The following KDM4C variants were observed in gnomAD, a reference collection of about 807,000 sequenced individuals.
KDM4C encodes the protein lysine demethylase 4C.
Under a neutral mutation model 129.3 loss-of-function variants are expected in KDM4C, and 81 were observed. The observed-to-expected ratio is 0.63, with a 90% CI of 0.52 to 0.75. KDM4C has a LOEUF of 0.75. Among genes scored for constraint, KDM4C ranks in the 30% least tolerant of loss-of-function variants. The pLI, the probability that KDM4C is intolerant of heterozygous loss-of-function variation, is 0.00. For missense variants in KDM4C, 1,457 were observed against 1,304.0 expected (o/e 1.12, Z -1.81); for synonymous variants, 573 against 456.1 (o/e 1.26, Z -3.26).
chr9:6,919,558 T>C (rs546616528), intron 8 of KDM4C, among the ~76,000 whole-genome samples: 1 of 148,136 alleles, frequency 6.8e-6, no homozygotes, highest in East Asian at 2.0e-4. Context: ...TATCTATCTA[T>C]CTATCTATCT....
At chr9:6,838,156 A>G (rs1203132680) in intron 4 of KDM4C, among the ~76,000 whole-genome samples, 3 of 152,152 alleles carry the variant, frequency 2.0e-5, no homozygotes, top group Non-Finnish European at 2.9e-5. Context: ...GACATTCCAA[A>G]TATTTTATTT....
chr9:6,761,158 C>T lies in KDM4C; in HGVS notation c.-18+2955C>T, dbSNP rs553951921. On this transcript the variant is annotated intron_variant, in intron 1 of 21. Coordinates refer to ENST00000381309, the MANE Select transcript of KDM4C (RefSeq NM_015061.6). ...CCCAGTAGCTGGGATTACAGGCACCCACCATCATGCTTGGCTAATTTTTGT... is the reference window on the plus strand; with the variant it reads ...CCCAGTAGCTGGGATTACAGGCACCTACCATCATGCTTGGCTAATTTTTGT... Among the ~76,000 whole-genome samples the T allele has an allele frequency of 3.9e-5, 6 of 152,006 alleles. No homozygotes were observed. The South Asian group carries it at 8.3e-4, about 21-fold the overall frequency.
At chr9:7,171,289 AAAATTAAATATTCCTGTTGT>A (rs1844934135) in intron 21 of KDM4C, among the ~76,000 whole-genome samples, 2 of 152,198 alleles carry the variant, frequency 1.3e-5, no homozygotes. Flanking sequence ...AAGCAAAGAA[AAAATTAAATATTCCTGTTGT>A]AAAGATACCA....
chr9:6,835,152 C>T (rs1290966653), intron 4 of KDM4C: 10 of 968,070 alleles, frequency 1.0e-5, no homozygotes, highest in Non-Finnish European at 1.7e-5. Flanking sequence ...CTTCCAGCTC[C>T]TCCCTGGAGA....
At chr9:6,939,131 G>A (rs1161289835) in intron 8 of KDM4C, among the ~76,000 whole-genome samples, 1 of 151,632 alleles carries the variant, frequency 6.6e-6, no homozygotes, top group Non-Finnish European at 1.5e-5. Context: ...TAGGAACTGG[G>A]CTGCACCATA....
intron 4 of KDM4C, among the ~76,000 whole-genome samples, chr9:6,815,465 T>C (rs1410966337): frequency 6.6e-6 from 1 of 152,152 alleles, no homozygotes; most frequent in Non-Finnish European, 1.5e-5. Flanking sequence ...TCTAACTGCC[T>C]CGGCCTCCTA....
intron 12 of KDM4C, among the ~76,000 whole-genome samples, chr9:6,999,040 C>T: frequency 6.6e-6 from 1 of 152,146 alleles, no homozygotes; most frequent in East Asian, 1.9e-4. Context: ...CAAGCTGGCT[C>T]TCAGACACTT....
intron 1 of KDM4C, among the ~76,000 whole-genome samples, chr9:6,742,823 A>G (rs1817746750): frequency 6.6e-6 from 1 of 151,880 alleles, no homozygotes; most frequent in African/African-American, 2.4e-5. Context: ...AGTTTGACGC[A>G]GAAAATGGGG....
intron 1 of KDM4C, chr9:6,748,594 A>T: frequency 1.6e-6 from 1 of 621,996 alleles, no homozygotes; most frequent in Non-Finnish European, 2.9e-6. Flanking sequence ...GCCATCTTGT[A>T]AAAACATAAG....
intron 4 of KDM4C, among the ~76,000 whole-genome samples, chr9:6,825,219 T>C (rs924956008): frequency 1.3e-5 from 2 of 151,360 alleles, no homozygotes; most frequent in Non-Finnish European, 2.9e-5. Flanking sequence ...TATAAAGTCA[T>C]ATGTCCTATA....
chr9:7,040,413 ATGTGTCTG>A (rs1464263763), intron 15 of KDM4C, among the ~76,000 whole-genome samples: 1 of 114,550 alleles, frequency 8.7e-6, no homozygotes, highest in Non-Finnish European at 1.7e-5. Context: ...GTGCGTGTGT[ATGTGTCTG>A]TGTGTCTGTT....
chr9:6,876,792 C>G (rs973209976), intron 5 of KDM4C, among the ~76,000 whole-genome samples: 2 of 152,178 alleles, frequency 1.3e-5, no homozygotes, highest in South Asian at 4.1e-4. Context: ...AGCCTACACA[C>G]ATAGACTGCA....
chr9:6,844,778 C>A (rs527931450), intron 4 of KDM4C, among the ~76,000 whole-genome samples: 15 of 152,130 alleles, frequency 9.9e-5, no homozygotes, highest in Non-Finnish European at 1.9e-4. Context: ...ACCTCTGCCT[C>A]CCGGGTTCAA....
chr9:7,053,825 G>A lies in KDM4C; in HGVS notation c.2424+4625G>A, dbSNP rs545945802. On this transcript the variant is annotated intron_variant, in intron 17 of 21. Transcript: ENST00000381309. ...TACAGGTTGCTATCCAAAACTACCG[G>A]GTTATTAAGTAGAGTCATCCTGTTA... 2.0e-5 allele frequency among the ~76,000 whole-genome samples: 3 copies of A among 152,198 alleles called. No homozygotes were observed. The East Asian group carries it at 5.8e-4, about 29-fold the overall frequency.
intron 12 of KDM4C, among the ~76,000 whole-genome samples, chr9:6,994,629 G>A (rs1231769930): frequency 2.6e-5 from 4 of 152,144 alleles, no homozygotes; most frequent in African/African-American, 9.7e-5. Context: ...GAGTGGGAAT[G>A]CCCTGGATAA....
At chr9:7,086,158 A>T (rs113077536) in intron 17 of KDM4C, among the ~76,000 whole-genome samples, 3 of 150,624 alleles carry the variant, frequency 2.0e-5, no homozygotes, top group African/African-American at 7.5e-5. Flanking sequence ...ACCCCGTCTC[A>T]AAAAAAACAA....
intron 15 of KDM4C, among the ~76,000 whole-genome samples, chr9:7,035,575 A>T (rs1370808029): frequency 6.6e-6 from 1 of 151,924 alleles, no homozygotes; most frequent in African/African-American, 2.4e-5. Flanking sequence ...CAATGTCCTG[A>T]AGTGTTTCCC....
chr9:7,089,649 C>G (rs377622815), intron 17 of KDM4C, among the ~76,000 whole-genome samples: 2 of 152,136 alleles, frequency 1.3e-5, no homozygotes, highest in East Asian at 1.9e-4. Flanking sequence ...TAATACCGAG[C>G]AAATAACCTT....
At chr9:7,012,108 G>A (rs138622393) in intron 13 of KDM4C, among the ~76,000 whole-genome samples, 2 of 152,138 alleles carry the variant, frequency 1.3e-5, no homozygotes, top group African/African-American at 2.4e-5. Flanking sequence ...ATGCTCTGTT[G>A]CCCAGGCTGA....
Sources: allele counts gnomAD v4.1 joint callset (sites outside exome capture counted in the v4.1 genomes callset), GRCh38; gene constraint gnomAD v4.1.1; transcripts MANE v1.5; gene names NCBI Gene and HGNC (gene_info 2026-07-23, HGNC 2026-07-21).